Variants in TEX9 observed in about 807,000 individuals in gnomAD.
TEX9 encodes testis expressed 9, also known as testis-expressed protein 9.
A neutral mutation model predicts 59.6 loss-of-function variants in TEX9; 74 were observed. That is an observed-to-expected ratio of 1.24 (90% CI 1.03 to 1.51). TEX9 has a LOEUF of 1.51. Among genes scored for constraint, TEX9 ranks in the 40% most tolerant of loss-of-function variants. The pLI is 0.00. For missense variants in TEX9, 522 were observed against 447.8 expected (o/e 1.17, Z -1.49); for synonymous variants, 186 against 152.2 (o/e 1.22, Z -1.64).
At chr15:56,398,724 G>A (rs1018016339) in intron 9 of TEX9, among the ~76,000 whole-genome samples, 2 of 152,074 alleles carry the variant, frequency 1.3e-5, no homozygotes, top group African/African-American at 4.8e-5. Flanking sequence ...GATTAATGTT[G>A]CCAAAGGGTG....
intron 1 of TEX9, among the ~76,000 whole-genome samples, chr15:56,310,478 C>T (rs2045585300): frequency 6.6e-6 from 1 of 152,168 alleles, no homozygotes; most frequent in South Asian, 2.1e-4. Flanking sequence ...AGTGTTTGTT[C>T]ACATCTTTCT....
intron 1 of TEX9, among the ~76,000 whole-genome samples, chr15:56,252,157 C>T (rs1411015727): frequency 6.6e-6 from 1 of 152,052 alleles, no homozygotes; most frequent in East Asian, 1.9e-4. Context: ...CTCTGTGGTA[C>T]CTTGTACAGC....
chr15:56,376,184 C>T (rs1224979458), intron 3 of TEX9, among the ~76,000 whole-genome samples: 1 of 151,420 alleles, frequency 6.6e-6, no homozygotes, highest in Non-Finnish European at 1.5e-5. Context: ...AACTAACCTG[C>T]ACATTGTGCA....
At position 56,374,553 on chromosome 15, in the gene TEX9, A is replaced by T. The variant is rs984608035; in HGVS notation, c.183+1049A>T. The T allele has an allele frequency of 2.0e-5, 3 of 152,326 alleles. No individual in the cohort carries two copies. The East Asian group carries it at 5.8e-4, about 29-fold the overall frequency. The allele number at this position is 152,326 out of a possible 1,614,324, so 9.4% of individuals were successfully genotyped here. On this transcript the variant is annotated intron_variant, in intron 3 of 12. Coordinates refer to ENST00000352903, the Ensembl canonical transcript of TEX9. ...CCTTTGTGTTACAAAAAATCCAATT[A>T]TACTATTTTAGTTAATTTAAAATGT...
chr15:56,317,468 T>A (rs1231418267), intron 1 of TEX9, among the ~76,000 whole-genome samples: 1 of 152,230 alleles, frequency 6.6e-6, no homozygotes, highest in Non-Finnish European at 1.5e-5. Flanking sequence ...GTTTTGTGAA[T>A]CATATCAAAG....
intron 3 of TEX9, among the ~76,000 whole-genome samples, chr15:56,378,751 TCTTG>T: frequency 6.6e-6 from 1 of 152,254 alleles, no homozygotes; most frequent in African/African-American, 2.4e-5. Flanking sequence ...TTTGGTTTGT[TCTTG>T]CTTTTCTGGT....
intron 1 of TEX9, among the ~76,000 whole-genome samples, chr15:56,289,610 C>T (rs1297631018): frequency 6.6e-6 from 1 of 152,142 alleles, no homozygotes; most frequent in African/African-American, 2.4e-5. Context: ...CTAAGGTTCT[C>T]CTGGTTTCTT....
intron 1 of TEX9, among the ~76,000 whole-genome samples, chr15:56,358,748 C>T (rs1402172): frequency 5.3e-5 from 8 of 152,118 alleles, no homozygotes; most frequent in East Asian, 1.9e-4. Flanking sequence ...ATAATCCCCA[C>T]GTGTTAAGAG....
At chr15:56,428,779 C>A in intron 12 of TEX9, 1 of 349,110 alleles carries the variant, frequency 2.9e-6, no homozygotes. Flanking sequence ...AAGTAAAGTT[C>A]GTAAACACAG....
intron 10 of TEX9, among the ~76,000 whole-genome samples, chr15:56,421,313 G>T (rs1312242559): frequency 2.6e-5 from 4 of 151,628 alleles, no homozygotes; most frequent in African/African-American, 9.7e-5. Flanking sequence ...ATTTATTTTT[G>T]TTGCTGCATT....
chr15:56,278,004 C>T (rs1163411568), intron 1 of TEX9, among the ~76,000 whole-genome samples: 1 of 151,772 alleles, frequency 6.6e-6, no homozygotes, highest in African/African-American at 2.4e-5. Context: ...TTTCCCCTTT[C>T]CACGAAGCTT....
At chr15:56,302,320 T>TACACACAC (rs56766153) in intron 1 of TEX9, among the ~76,000 whole-genome samples, 4,931 of 135,710 alleles carry the variant, frequency 0.036, 113 homozygotes, top group East Asian at 0.1. Flanking sequence ...AGACACTGTT[T>TACACACAC]ACACACACAC....
intron 12 of TEX9, chr15:56,434,187 GCC>G: frequency 6.2e-7 from 1 of 1,613,804 alleles, no homozygotes; most frequent in African/African-American, 1.3e-5. Flanking sequence ...TTTTTCCACA[GCC>G]CTCCTGTGTT....
At chr15:56,288,959 C>G (rs1271993237) in intron 1 of TEX9, among the ~76,000 whole-genome samples, 1 of 152,084 alleles carries the variant, frequency 6.6e-6, no homozygotes, top group Non-Finnish European at 1.5e-5. Context: ...TTTCAAATAA[C>G]CTTTATTTCA....
intron 1 of TEX9, among the ~76,000 whole-genome samples, chr15:56,353,550 A>T (rs1202383295): frequency 6.6e-6 from 1 of 152,212 alleles, no homozygotes; most frequent in Non-Finnish European, 1.5e-5. Context: ...TTTAAAAGGA[A>T]TCAAATAATA....
intron 1 of TEX9, among the ~76,000 whole-genome samples, chr15:56,279,034 G>A (rs781701185): frequency 1.1e-4 from 17 of 151,754 alleles, no homozygotes; most frequent in South Asian, 2.1e-4. Flanking sequence ...CTCTAATTGC[G>A]TATTTGGAAC....
chr15:56,361,889 C>T (rs903643371), upstream of TEX9, among the ~76,000 whole-genome samples: 1 of 152,128 alleles, frequency 6.6e-6, no homozygotes, highest in African/African-American at 2.4e-5. Context: ...GTCTCCCCTG[C>T]AGGTTTCAAG....
At chr15:56,318,376 C>G (rs1400215744) in intron 1 of TEX9, among the ~76,000 whole-genome samples, 1 of 151,998 alleles carries the variant, frequency 6.6e-6, no homozygotes, top group Non-Finnish European at 1.5e-5. Context: ...CTTTTTCTTT[C>G]AACCTATTTG....
Position 56,283,049 on chromosome 15 carries a change from G to GGTGTGTGTGT in TEX9, c.-107+38794_-107+38803dup, listed in dbSNP as rs3985761. On this transcript the variant is annotated intron_variant, in intron 1 of 5. Coordinates refer to the TEX9 transcript ENST00000560827. ...TTTATTTATAGTGTGTACATTGTGTGGTGTGTGTGTGTGTGTGTGTGTGTG... is the reference window on the plus strand; with the variant it reads ...TTTATTTATAGTGTGTACATTGTGTGGTGTGTGTGTGTGTGTGTGTGTGTGTGTGTGTGTG... Among the ~76,000 whole-genome samples, 676 of 148,546 alleles carry GGTGTGTGTGT rather than the reference G, an allele frequency of 4.6e-3. 6 individuals are homozygous for GGTGTGTGTGT. Among genetic ancestry groups the GGTGTGTGTGT allele is most frequent in the African/African-American group, 6.6e-3 (267 of 40,368 alleles).
Sources: allele counts gnomAD v4.1 joint callset (sites outside exome capture counted in the v4.1 genomes callset), GRCh38; gene constraint gnomAD v4.1.1; transcripts MANE v1.5; gene names NCBI Gene and HGNC (gene_info 2026-07-23, HGNC 2026-07-21).